The following ASPH variants were observed in gnomAD, a reference collection of about 807,000 sequenced individuals.
ASPH encodes the protein aspartyl/asparaginyl beta-hydroxylase.
Under a neutral mutation model 118.4 loss-of-function variants are expected in ASPH, and 100 were observed. The ratio of observed to expected loss-of-function variants is 0.84; its 90% CI spans 0.72 to 1.00. ASPH has a LOEUF of 1.00. Among genes scored for constraint, ASPH ranks in the 50% least tolerant of loss-of-function variants. The pLI is 0.00. For missense variants in ASPH, 920 were observed against 919.5 expected (o/e 1.00, Z -0.01); for synonymous variants, 315 against 325.6 (o/e 0.97, Z 0.35).
At chr8:61,668,403 T>TA in intron 3 of ASPH, 1 of 672,896 alleles carries the variant, frequency 1.5e-6, no homozygotes, top group Non-Finnish European at 2.5e-6. Flanking sequence ...AATTCATCAT[T>TA]AAAAAATACT....
At chr8:61,656,143 T>C (rs1218773285) in intron 3 of ASPH, 2 of 152,146 alleles carry the variant, frequency 1.3e-5, no homozygotes, top group East Asian at 1.9e-4. Context: ...TTTTCAAAAA[T>C]GGATTTATTA....
At chr8:61,601,038 G>A (rs1843813295) in intron 14 of ASPH, among the ~76,000 whole-genome samples, 1 of 151,346 alleles carries the variant, frequency 6.6e-6, no homozygotes, top group South Asian at 2.1e-4. Flanking sequence ...AATTCATTAA[G>A]AGAACATAAT....
intron 1 of ASPH, among the ~76,000 whole-genome samples, chr8:61,687,005 A>G (rs796873673): frequency 3.3e-5 from 5 of 152,228 alleles, no homozygotes; most frequent in African/African-American, 9.6e-5. Flanking sequence ...ACCCAAGATG[A>G]TATTATTTAA....
chr8:61,583,936 C>T lies in ASPH; in HGVS notation c.1062+8G>A, dbSNP rs765105757. On this transcript the variant is annotated splice_region_variant and intron_variant, in intron 15 of 24. Coordinates refer to ENST00000379454, the MANE Select transcript of ASPH (RefSeq NM_004318.4). ...AACAAAACCATTGCACAAAAAATAT[C>T]AACCTACCCTTTTACGGAGTTTTTC... 5 of 1,545,520 alleles carry T rather than the reference C, an allele frequency of 3.2e-6. No homozygotes were observed. Among genetic ancestry groups the T allele is most frequent in the Admixed American group, 3.9e-5 (2 of 51,546 alleles).
At chr8:61,567,376 C>A in intron 16 of ASPH, 58 bp from the exon 17 acceptor site, 3 of 1,466,170 alleles carry the variant, frequency 2.0e-6, no homozygotes, top group South Asian at 1.4e-5. Context: ...TTGTAATTAC[C>A]CAAAATATTC....
At position 61,529,268 on chromosome 8, in the gene ASPH, C is replaced by T. The variant is rs372228593; in HGVS notation, c.1765-3156G>A. The stretch of plus-strand genomic sequence containing the variant: ...CTCCCCTCGAGCAAAAGAGCAATTG[C>T]GAGGTACCCCAGCCTCCTGGTCTCA... On this transcript the variant is annotated intron_variant, in intron 21 of 24. Transcript: ENST00000379454. Among the ~76,000 whole-genome samples the T allele has an allele frequency of 6.3e-4, 96 of 152,300 alleles. No individual in the cohort carries two copies. In the South Asian group the frequency reaches 9.5e-3, roughly 15 times the overall value.
At chr8:61,663,294 TG>T in intron 3 of ASPH, 2 of 985,272 alleles carry the variant, frequency 2.0e-6, no homozygotes, top group Non-Finnish European at 2.4e-6. Flanking sequence ...GGTGTGCGCC[TG>T]GGAAGAATCA....
At chr8:61,694,125 T>C (rs1833364351) in intron 1 of ASPH, among the ~76,000 whole-genome samples, 2 of 152,126 alleles carry the variant, frequency 1.3e-5, no homozygotes, top group Admixed American at 6.5e-5. Context: ...CAAACTGCCA[T>C]AGCCTCATAC....
chr8:61,564,485 G>T (rs1349012434), intron 17 of ASPH, among the ~76,000 whole-genome samples: 1 of 151,994 alleles, frequency 6.6e-6, no homozygotes, highest in Non-Finnish European at 1.5e-5. Context: ...TTTCAGTAGA[G>T]ACCAGGTTTC....
chr8:61,708,009 C>T (rs1275041884), intron 1 of ASPH, among the ~76,000 whole-genome samples: 1 of 152,024 alleles, frequency 6.6e-6, no homozygotes, highest in East Asian at 1.9e-4. Flanking sequence ...TTATTTTGTG[C>T]ATATATACCT....
At chr8:61,667,376 T>C (rs1444637844) in intron 3 of ASPH, among the ~76,000 whole-genome samples, 1 of 152,104 alleles carries the variant, frequency 6.6e-6, no homozygotes, top group Non-Finnish European at 1.5e-5. Context: ...TTTATTATTA[T>C]TATTATTATT....
At chr8:61,616,752 CT>C (rs1415175883) in intron 14 of ASPH, among the ~76,000 whole-genome samples, 1 of 152,184 alleles carries the variant, frequency 6.6e-6, no homozygotes, top group Non-Finnish European at 1.5e-5. Flanking sequence ...CCTGGGACAC[CT>C]TCTTCCCTAA....
At chr8:61,526,282 C>T (rs1043334208) in intron 21 of ASPH, among the ~76,000 whole-genome samples, 170 bp from the exon 22 acceptor site, 6 of 152,114 alleles carry the variant, frequency 3.9e-5, no homozygotes, top group Non-Finnish European at 7.4e-5. Flanking sequence ...CTATAAAAAC[C>T]CCAAATCTCA....
intron 24 of ASPH, among the ~76,000 whole-genome samples, chr8:61,509,670 A>G (rs1345420945): frequency 6.6e-6 from 1 of 152,180 alleles, no homozygotes; most frequent in Non-Finnish European, 1.5e-5. Flanking sequence ...CCCAGCCCCT[A>G]TTCAAGATGG....
intron 24 of ASPH, among the ~76,000 whole-genome samples, chr8:61,504,404 G>A (rs1805626046): frequency 1.3e-5 from 2 of 152,146 alleles, no homozygotes; most frequent in African/African-American, 4.8e-5. Flanking sequence ...TCCTGGATTA[G>A]CAAATAATGA....
chr8:61,527,636 T>C (rs895574921), intron 21 of ASPH, among the ~76,000 whole-genome samples: 1 of 152,178 alleles, frequency 6.6e-6, no homozygotes, highest in African/African-American at 2.4e-5. Context: ...AAAAGCAATC[T>C]GCAGATTAGG....
intron 3 of ASPH, among the ~76,000 whole-genome samples, chr8:61,676,639 C>T (rs1268892839): frequency 2.6e-5 from 4 of 151,928 alleles, no homozygotes; most frequent in Admixed American, 2.6e-4. Flanking sequence ...ATGGAAAAAT[C>T]AGTTGACAGT....
At chr8:61,515,877 T>G (rs1014591336) in intron 24 of ASPH, among the ~76,000 whole-genome samples, 1 of 152,166 alleles carries the variant, frequency 6.6e-6, no homozygotes, top group African/African-American at 2.4e-5. Flanking sequence ...AGCATCCCAA[T>G]TCCAGCTCTG....
chr8:61,638,315 A>C lies in ASPH; in HGVS notation c.832+7T>G. 6.2e-7 allele frequency: 1 copy of C among 1,600,264 alleles called. No homozygotes were observed. Among genetic ancestry groups the C allele is most frequent in the African/African-American group, 1.4e-5 (1 of 73,830 alleles). ...GCAGAAAATATGTGCTTACAGAAAA[A>C]ACTTACCTGTGATTTCTATCCCTTC... On this transcript the variant is annotated splice_region_variant and intron_variant, in intron 11 of 24. Coordinates refer to ENST00000379454, the MANE Select transcript of ASPH (RefSeq NM_004318.4).
Sources: gnomAD v4.1 joint callset for allele counts (sites outside exome capture counted in the v4.1 genomes callset) on GRCh38, gnomAD v4.1.1 for gene constraint, MANE v1.5 for transcripts, NCBI Gene and HGNC (gene_info 2026-07-23, HGNC 2026-07-21) for gene names.